Variants in USH2A observed in about 807,000 individuals in gnomAD.
USH2A encodes Usher syndrome 2A (autosomal recessive, mild).
Under a neutral mutation model 538.9 loss-of-function variants are expected in USH2A, and 443 were observed. The ratio of observed to expected loss-of-function variants is 0.82; its 90% CI spans 0.76 to 0.89. The LOEUF is 0.89. Among genes scored for constraint, USH2A ranks in the 40% least tolerant of loss-of-function variants. USH2A has a pLI of 0.00. For missense variants in USH2A, 6,633 were observed against 6,324.8 expected (o/e 1.05, Z -1.65); for synonymous variants, 2,413 against 2,273.5 (o/e 1.06, Z -1.75).
At chr1:216,279,094 C>T (rs1302374530) in intron 11 of USH2A, among the ~76,000 whole-genome samples, 1 of 152,074 alleles carries the variant, frequency 6.6e-6, no homozygotes, top group Non-Finnish European at 1.5e-5. Context: ...TTAAATATCT[C>T]TTAATCATTT....
chr1:215,627,406 TTCC>T (rs1656072773), intron 71 of USH2A, among the ~76,000 whole-genome samples: 1 of 96,412 alleles, frequency 1.0e-5, no homozygotes, highest in East Asian at 3.5e-4. Flanking sequence ...CCTTCCTTCC[TTCC>T]TTCCTTCCTT....
At chr1:216,104,681 TA>T in intron 21 of USH2A, among the ~76,000 whole-genome samples, 1 of 152,290 alleles carries the variant, frequency 6.6e-6, no homozygotes, top group South Asian at 2.1e-4. Context: ...CAAGATGGAT[TA>T]AAGACTTAAA....
At position 215,862,406 on chromosome 1, in the gene USH2A, G is replaced by A. The variant is rs185887727; in HGVS notation, c.8845+4601C>T. Among the ~76,000 whole-genome samples the A allele has an allele frequency of 4.6e-3, 702 of 152,010 alleles. 5 individuals are homozygous for A. Among genetic ancestry groups the A allele is most frequent in the African/African-American group, 0.016 (671 of 41,442 alleles). On this transcript the variant is annotated intron_variant, in intron 44 of 71. Transcript: ENST00000307340. ...AGGAAGGGGAACATCACACACCGGG[G>A]CCTGTCGTGGGGTGGGGGGAGTGGG...
At chr1:215,824,248 A>G (rs1322835902) in intron 47 of USH2A, among the ~76,000 whole-genome samples, 1 of 152,014 alleles carries the variant, frequency 6.6e-6, no homozygotes. Flanking sequence ...ATATATGTCT[A>G]TGTCTTTGCA....
intron 37 of USH2A, among the ~76,000 whole-genome samples, chr1:215,948,435 T>C (rs1014092172): frequency 8.2e-5 from 12 of 146,008 alleles, no homozygotes; most frequent in African/African-American, 3.1e-4. Context: ...GATATATATA[T>C]ATATATATAC....
At chr1:215,844,566 G>C in intron 45 of USH2A, 70 bp from the exon 46 acceptor site, 5 of 1,517,154 alleles carry the variant, frequency 3.3e-6, no homozygotes, top group Non-Finnish European at 4.5e-6. Flanking sequence ...GCTAAATGCA[G>C]ATTAGTATTT....
chr1:216,164,717 G>A (rs976059576), intron 21 of USH2A, among the ~76,000 whole-genome samples: 7 of 152,130 alleles, frequency 4.6e-5, no homozygotes, highest in African/African-American at 9.7e-5. Context: ...TCAGAGTACC[G>A]TGTAGTAGAG....
chr1:216,022,889 G>A (rs1157286518), intron 32 of USH2A, among the ~76,000 whole-genome samples: 1 of 152,152 alleles, frequency 6.6e-6, no homozygotes, highest in Admixed American at 6.5e-5. Flanking sequence ...GAATAGCAGT[G>A]CTCCTTATGC....
At chr1:215,911,305 C>A (rs4655435) in intron 38 of USH2A, among the ~76,000 whole-genome samples, 90,034 of 151,552 alleles carry the variant, frequency 0.59, 27,022 homozygotes, top group East Asian at 0.73. Context: ...CTTATGCATT[C>A]ATTCTATTTT....
chr1:216,137,867 C>A (rs372249124), intron 21 of USH2A, among the ~76,000 whole-genome samples: 3 of 152,024 alleles, frequency 2.0e-5, no homozygotes, highest in African/African-American at 7.3e-5. Flanking sequence ...TTTAATAGAG[C>A]GATCTTTACC....
At chr1:216,023,519 T>C (rs1297192024) in intron 32 of USH2A, among the ~76,000 whole-genome samples, 1 of 127,486 alleles carries the variant, frequency 7.8e-6, no homozygotes. Flanking sequence ...GAGTGAGATA[T>C]TGTTTTTGAC....
intron 32 of USH2A, among the ~76,000 whole-genome samples, chr1:216,032,681 C>CA (rs1403063233): frequency 1.2e-4 from 19 of 152,060 alleles, no homozygotes; most frequent in Non-Finnish European, 2.5e-4. Context: ...AGGCAAAAGT[C>CA]AGAGAGATTT....
intron 44 of USH2A, among the ~76,000 whole-genome samples, chr1:215,848,016 C>CT (rs1212144445): frequency 6.6e-6 from 1 of 152,108 alleles, no homozygotes; most frequent in African/African-American, 2.4e-5. Flanking sequence ...TGCAGTGTTT[C>CT]TTTCCTCTGA....
intron 26 of USH2A, 140 bp from the exon 27 acceptor site, chr1:216,078,502 C>G (rs917580147): frequency 3.1e-5 from 24 of 768,926 alleles, no homozygotes; most frequent in African/African-American, 3.0e-4. Context: ...TCACTCTACC[C>G]TAAGTTTCTG....
At chr1:216,314,220 T>C (rs1342750811) in intron 9 of USH2A, among the ~76,000 whole-genome samples, 1 of 152,158 alleles carries the variant, frequency 6.6e-6, no homozygotes, top group East Asian at 1.9e-4. Flanking sequence ...ATAACCTCTT[T>C]TTCATGTTTT....
intron 62 of USH2A, among the ~76,000 whole-genome samples, chr1:215,677,363 C>G (rs1450246468): frequency 6.6e-6 from 1 of 152,152 alleles, no homozygotes; most frequent in Non-Finnish European, 1.5e-5. Context: ...TAAATGTACT[C>G]TAGTATTTTT....
intron 3 of USH2A, among the ~76,000 whole-genome samples, chr1:216,388,234 G>T (rs947301135): frequency 6.6e-6 from 1 of 152,126 alleles, no homozygotes. Flanking sequence ...ATTGAGAAGG[G>T]AATAAAACAA....
At chr1:216,405,899 T>C (rs60131237) in intron 3 of USH2A, among the ~76,000 whole-genome samples, 2,302 of 152,296 alleles carry the variant, frequency 0.015, 61 homozygotes, top group South Asian at 0.063. Flanking sequence ...CACGGAATTA[T>C]GTTGAGTAAA....
intron 11 of USH2A, among the ~76,000 whole-genome samples, chr1:216,271,450 A>C (rs1391627602): frequency 6.6e-6 from 1 of 152,070 alleles, no homozygotes; most frequent in Admixed American, 6.6e-5. Flanking sequence ...CCCACTGTCT[A>C]TACAGTGGCA....
Sources: allele counts gnomAD v4.1 joint callset (sites outside exome capture counted in the v4.1 genomes callset), GRCh38; gene constraint gnomAD v4.1.1; transcripts MANE v1.5; gene names NCBI Gene and HGNC (gene_info 2026-07-23, HGNC 2026-07-21).